Variants in FMN1 observed in about 807,000 individuals in gnomAD.
The protein encoded by FMN1 is formin 1.
A neutral mutation model predicts 132.4 loss-of-function variants in FMN1; 110 were observed. That is an observed-to-expected ratio of 0.83 (90% CI 0.71 to 0.97). The LOEUF (loss-of-function observed/expected upper bound fraction) is 0.97, where lower values mean the gene tolerates loss of function less well. FMN1 is among the 50% of genes least tolerant of loss of function. The pLI is 0.00. For synonymous variants in FMN1, 722 were observed against 651.7 expected (o/e 1.11, Z -1.64); for missense variants, 1,792 against 1,705.3 (o/e 1.05, Z -0.90).
At chr15:33,147,442 T>G (rs1964272249) in intron 4 of FMN1, among the ~76,000 whole-genome samples, 1 of 152,256 alleles carries the variant, frequency 6.6e-6, no homozygotes, top group Admixed American at 6.5e-5. Flanking sequence ...TATTCTGCTA[T>G]TTCTACACAT....
chr15:33,031,719 C>A (rs147218177), intron 6 of FMN1, among the ~76,000 whole-genome samples: 3 of 152,168 alleles, frequency 2.0e-5, no homozygotes, highest in Non-Finnish European at 2.9e-5. Context: ...CTGGCTCTCA[C>A]GACTGGCAAG....
At chr15:33,081,794 G>T (rs1193701585) in intron 5 of FMN1, among the ~76,000 whole-genome samples, 1 of 152,176 alleles carries the variant, frequency 6.6e-6, no homozygotes, top group African/African-American at 2.4e-5. Context: ...CTGGCCTTTA[G>T]GAAGTGATCG....
At chr15:33,067,407 C>T (rs765099897) in intron 5 of FMN1, 2 of 1,613,878 alleles carry the variant, frequency 1.2e-6, no homozygotes, top group South Asian at 1.1e-5. Flanking sequence ...GTGCTGCTTC[C>T]CTCCTCTGGC....
chr15:33,080,623 G>A (rs1199898938), intron 5 of FMN1, among the ~76,000 whole-genome samples: 1 of 151,880 alleles, frequency 6.6e-6, no homozygotes, highest in Non-Finnish European at 1.5e-5. Flanking sequence ...ATAATGGCGG[G>A]TGCCTGTAAT....
chr15:32,928,557 G>T (rs978875682), intron 9 of FMN1, among the ~76,000 whole-genome samples: 1 of 152,120 alleles, frequency 6.6e-6, no homozygotes, highest in African/African-American at 2.4e-5. Context: ...AGATCAAGTC[G>T]TAAGAAGTTT....
intron 9 of FMN1, among the ~76,000 whole-genome samples, chr15:32,935,633 C>CTTTT (rs35444350): frequency 6.9e-6 from 1 of 145,866 alleles, no homozygotes; most frequent in Non-Finnish European, 1.5e-5. Context: ...TTTCTTTACT[C>CTTTT]TTTTTTTTTT....
At chr15:33,116,878 G>A (rs1440606211) in intron 4 of FMN1, among the ~76,000 whole-genome samples, 8 of 152,144 alleles carry the variant, frequency 5.3e-5, no homozygotes, top group Admixed American at 2.6e-4. Flanking sequence ...TCTTTCGAAA[G>A]TTTGTTGAGG....
At chr15:32,828,630 A>G (rs1438934032) in intron 17 of FMN1, among the ~76,000 whole-genome samples, 1 of 152,240 alleles carries the variant, frequency 6.6e-6, no homozygotes, top group Non-Finnish European at 1.5e-5. Flanking sequence ...GATTCAAAAA[A>G]GAGGCTACTC....
At chr15:32,928,166 T>C (rs2061010493) in intron 9 of FMN1, among the ~76,000 whole-genome samples, 1 of 152,168 alleles carries the variant, frequency 6.6e-6, no homozygotes, top group South Asian at 2.1e-4. Flanking sequence ...AAATACTAAG[T>C]ATTAATCAAG....
At chr15:32,965,682 T>C (rs1195984350) in intron 8 of FMN1, among the ~76,000 whole-genome samples, 2 of 152,204 alleles carry the variant, frequency 1.3e-5, no homozygotes, top group African/African-American at 2.4e-5. Context: ...GCCTTTCCCA[T>C]GATATATGAC....
chr15:33,107,282 A>G (rs1318577592), intron 4 of FMN1, among the ~76,000 whole-genome samples: 1 of 152,010 alleles, frequency 6.6e-6, no homozygotes, highest in African/African-American at 2.4e-5. Context: ...GGGCAAGTGG[A>G]AAAAATCTCC....
intron 4 of FMN1, among the ~76,000 whole-genome samples, chr15:33,141,012 C>T (rs540599238): frequency 6.6e-6 from 1 of 151,872 alleles, no homozygotes; most frequent in Non-Finnish European, 1.5e-5. Flanking sequence ...GGGTAGTTTG[C>T]CTTTCTTTTA....
At chr15:33,075,020 CAAAAAAAAAAAAA>C (rs57504432) in intron 5 of FMN1, among the ~76,000 whole-genome samples, 1 of 61,662 alleles carries the variant, frequency 1.6e-5, no homozygotes, top group African/African-American at 8.4e-5. Flanking sequence ...GATTCCATCT[CAAAAAAAAAAAAA>C]AAAAAAAAAA....
intron 15 of FMN1, among the ~76,000 whole-genome samples, chr15:32,895,737 G>T (rs1205129883): frequency 7.5e-6 from 1 of 133,200 alleles, no homozygotes; most frequent in Non-Finnish European, 1.6e-5. Context: ...AAATAAGGAA[G>T]AAAGTTTTTT....
At chr15:32,857,719 T>G (rs1019426414) in intron 16 of FMN1, among the ~76,000 whole-genome samples, 1 of 152,232 alleles carries the variant, frequency 6.6e-6, no homozygotes, top group Non-Finnish European at 1.5e-5. Flanking sequence ...TTACTTCAGA[T>G]AGACTATCTA....
At chr15:32,792,269 C>T (rs1250825086) in intron 19 of FMN1, among the ~76,000 whole-genome samples, 11 of 126,382 alleles carry the variant, frequency 8.7e-5, no homozygotes, top group Non-Finnish European at 1.7e-4. Context: ...GAAACCCAGT[C>T]TCTACCAAAA....
chr15:32,809,583 G>A (rs868574616), intron 17 of FMN1, among the ~76,000 whole-genome samples: 3 of 152,048 alleles, frequency 2.0e-5, no homozygotes, highest in African/African-American at 4.8e-5. Flanking sequence ...TGGGCACTTT[G>A]CTCCTTCTGT....
At chr15:32,948,461 A>G (rs1163131058) in intron 9 of FMN1, among the ~76,000 whole-genome samples, 2 of 151,908 alleles carry the variant, frequency 1.3e-5, no homozygotes, top group Non-Finnish European at 2.9e-5. Context: ...TCTATTATCT[A>G]ATATTTTGTG....
At chr15:32,975,143 A>C (rs773846597) in intron 7 of FMN1, among the ~76,000 whole-genome samples, 1 of 152,240 alleles carries the variant, frequency 6.6e-6, no homozygotes, top group Non-Finnish European at 1.5e-5. Flanking sequence ...AGCTCAACTG[A>C]ATCTTCTGGC....
Sources: gnomAD v4.1 joint callset for allele counts (sites outside exome capture counted in the v4.1 genomes callset) on GRCh38, gnomAD v4.1.1 for gene constraint, MANE v1.5 for transcripts, NCBI Gene and HGNC (gene_info 2026-07-23, HGNC 2026-07-21) for gene names.